Variants in CNTNAP2 observed in about 807,000 individuals in gnomAD.
CNTNAP2 encodes contactin-associated protein-like 2.
A neutral mutation model predicts 155.2 loss-of-function variants in CNTNAP2; 98 were observed. The observed-to-expected ratio is 0.63, with a 90% CI of 0.54 to 0.75. The LOEUF (loss-of-function observed/expected upper bound fraction) is 0.75, where lower values mean the gene tolerates loss of function less well. Ranked by LOEUF, CNTNAP2 falls within the 30% of genes least tolerant of loss-of-function variation. CNTNAP2 has a pLI of 0.00. For synonymous variants in CNTNAP2, 651 were observed against 631.2 expected (o/e 1.03, Z -0.47); for missense variants, 1,727 against 1,688.1 (o/e 1.02, Z -0.40).
chr7:147,419,710 T>C (rs1797256848), intron 10 of CNTNAP2, among the ~76,000 whole-genome samples: 1 of 152,184 alleles, frequency 6.6e-6, no homozygotes, highest in Non-Finnish European at 1.5e-5. Context: ...TACCAGTGTT[T>C]TTGTAGGTGT....
At chr7:146,846,379 G>C (rs1449655193) in intron 3 of CNTNAP2, among the ~76,000 whole-genome samples, 1 of 150,728 alleles carries the variant, frequency 6.6e-6, no homozygotes, top group African/African-American at 2.5e-5. Context: ...ATATAAATGG[G>C]GTAAAAATCT....
chr7:147,264,317 T>C (rs946870655), intron 8 of CNTNAP2, among the ~76,000 whole-genome samples: 1 of 152,108 alleles, frequency 6.6e-6, no homozygotes, highest in African/African-American at 2.4e-5. Context: ...GTTAGATATT[T>C]ATTTATTGTG....
intron 1 of CNTNAP2, among the ~76,000 whole-genome samples, chr7:146,215,248 A>G (rs2116888472): frequency 1.3e-5 from 2 of 152,354 alleles, no homozygotes; most frequent in South Asian, 4.1e-4. Context: ...AGCTACTCAT[A>G]CAAAATAATA....
At chr7:147,052,785 A>G (rs1382681469) in intron 4 of CNTNAP2, among the ~76,000 whole-genome samples, 1 of 152,102 alleles carries the variant, frequency 6.6e-6, no homozygotes, top group Non-Finnish European at 1.5e-5. Context: ...AATAAATATC[A>G]CTGCCAAGTT....
intron 12 of CNTNAP2, among the ~76,000 whole-genome samples, chr7:147,628,496 A>C (rs1443709195): frequency 6.6e-6 from 1 of 152,184 alleles, no homozygotes; most frequent in Non-Finnish European, 1.5e-5. Flanking sequence ...TAAATCTTGA[A>C]ACACACCAAA....
At chr7:146,923,532 C>T (rs1796545807) in intron 3 of CNTNAP2, among the ~76,000 whole-genome samples, 1 of 152,142 alleles carries the variant, frequency 6.6e-6, no homozygotes, top group Non-Finnish European at 1.5e-5. Context: ...GATAAATACA[C>T]ACACCTCCTT....
intron 2 of CNTNAP2, among the ~76,000 whole-genome samples, chr7:146,810,817 A>G (rs923727045): frequency 6.6e-6 from 1 of 152,120 alleles, no homozygotes; most frequent in South Asian, 2.1e-4. Flanking sequence ...TCATTCTACA[A>G]CTATTTTGTT....
At chr7:147,484,017 G>C (rs1030273981) in intron 10 of CNTNAP2, among the ~76,000 whole-genome samples, 2 of 270 alleles carry the variant, frequency 7.4e-3, no homozygotes, top group Non-Finnish European at 7.6e-3. Flanking sequence ...TGAACTTTAT[G>C]AAGCCTTTGT....
chr7:146,762,027 C>T (rs1028180820), intron 1 of CNTNAP2, among the ~76,000 whole-genome samples: 5 of 152,090 alleles, frequency 3.3e-5, no homozygotes, highest in Admixed American at 6.6e-5. Context: ...ATTATTTTAA[C>T]ATAGATCCTT....
intron 18 of CNTNAP2, among the ~76,000 whole-genome samples, chr7:148,196,821 T>C (rs145343024): frequency 7.1e-4 from 108 of 152,242 alleles, no homozygotes; most frequent in Middle Eastern, 6.8e-3. Context: ...GGACAGCCAC[T>C]GAAAATGTGA....
At chr7:147,485,082 C>G (rs1199248911) in intron 10 of CNTNAP2, among the ~76,000 whole-genome samples, 1 of 152,108 alleles carries the variant, frequency 6.6e-6, no homozygotes, top group Admixed American at 6.6e-5. Context: ...TGTTTCAGGA[C>G]AAATTTCAGC....
chr7:147,670,080 G>C (rs1795762965), intron 13 of CNTNAP2, among the ~76,000 whole-genome samples: 1 of 152,152 alleles, frequency 6.6e-6, no homozygotes. Context: ...AATAGCTTCT[G>C]ACTAAAGTGA....
In CNTNAP2 at chr7:146,620,371, A is replaced by C. The variant is rs139229128; in HGVS notation, c.98-153900A>C. Among the ~76,000 whole-genome samples, 321 of 152,302 alleles carry C rather than the reference A, an allele frequency of 2.1e-3. 2 individuals are homozygous for C. The highest frequency in any genetic ancestry group is 7.4e-3 in the African/African-American group (308 of 41,576). On this transcript the variant is annotated intron_variant, in intron 1 of 23. Transcript: ENST00000361727. ...GGGTTCCTGCCAGAGATGTAGAGCA[A>C]TGCAGTACATTGATAATTACTAGCT... is the stretch of plus-strand genomic sequence containing the variant.
intron 3 of CNTNAP2, among the ~76,000 whole-genome samples, chr7:146,891,441 G>C (rs886821786): frequency 6.6e-6 from 1 of 152,040 alleles, no homozygotes; most frequent in African/African-American, 2.4e-5. Context: ...AGACAAATTT[G>C]CACGATGTTT....
At chr7:146,190,952 A>G (rs1450823372) in intron 1 of CNTNAP2, among the ~76,000 whole-genome samples, 1 of 152,194 alleles carries the variant, frequency 6.6e-6, no homozygotes, top group Non-Finnish European at 1.5e-5. Context: ...AACAAATTAC[A>G]ACACAGCAAA....
chr7:146,380,576 A>T (rs2129104802), intron 1 of CNTNAP2, among the ~76,000 whole-genome samples: 1 of 152,166 alleles, frequency 6.6e-6, no homozygotes, highest in East Asian at 1.9e-4. Context: ...ATCATAAAAA[A>T]TTTCTGGTGT....
At chr7:147,310,896 A>G (rs925102798) in intron 9 of CNTNAP2, among the ~76,000 whole-genome samples, 1 of 152,204 alleles carries the variant, frequency 6.6e-6, no homozygotes, top group Admixed American at 6.5e-5. Flanking sequence ...AGCAAAAAGC[A>G]GGGTTGGGTC....
At chr7:146,121,729 G>C (rs981501634) in intron 1 of CNTNAP2, among the ~76,000 whole-genome samples, 1 of 152,104 alleles carries the variant, frequency 6.6e-6, no homozygotes, top group Non-Finnish European at 1.5e-5. Context: ...GCTGTTACCT[G>C]TTTCTAGAGA....
intron 15 of CNTNAP2, among the ~76,000 whole-genome samples, chr7:148,099,559 G>A (rs1036641559): frequency 6.6e-6 from 1 of 151,848 alleles, no homozygotes; most frequent in Non-Finnish European, 1.5e-5. Context: ...CAGTATAAAT[G>A]AGAAGGTCCC....
Sources: allele counts gnomAD v4.1 joint callset (sites outside exome capture counted in the v4.1 genomes callset), GRCh38; gene constraint gnomAD v4.1.1; transcripts MANE v1.5; gene names NCBI Gene and HGNC (gene_info 2026-07-23, HGNC 2026-07-21).